The following C2CD5 variants were observed in gnomAD, a reference collection of about 807,000 sequenced individuals.
The protein encoded by C2CD5 is C2 domain-containing protein 5.
C2CD5 carries 109 observed loss-of-function variants against 130.3 expected under a neutral mutation model. That is an observed-to-expected ratio of 0.84 (90% confidence interval 0.72 to 0.98). The LOEUF (loss-of-function observed/expected upper bound fraction) is 0.98, where lower values mean the gene tolerates loss of function less well. Among genes scored for constraint, C2CD5 ranks in the 50% least tolerant of loss-of-function variants. The pLI is 0.00. For missense variants in C2CD5, 996 were observed against 1,261.8 expected, an observed-to-expected ratio of 0.79 and a Z score of 3.19; for synonymous variants, 454 against 429.2, an observed-to-expected ratio of 1.06 and a Z score of -0.71.
At chr12:22,527,090 CT>C (rs1167355074) in intron 4 of C2CD5, among the ~76,000 whole-genome samples, 1 of 152,114 alleles carries the variant, frequency 6.6e-6, no homozygotes, top group Admixed American at 6.5e-5. Flanking sequence ...CAACAAAAAA[CT>C]TTTAAGTAAC....
chr12:22,474,864 G>A lies in C2CD5; in HGVS notation c.1930C>T (p.Pro644Ser). The change falls in exon 16 of 27, where the codon CCC becomes TCC. Residue 644 changes from proline to serine, a missense_variant. Pro to Ser is a moderately conservative substitution (Grantham distance 74). Transcript: ENST00000446597. ...GAGCGTTGCCTAGGTTCTGGGATGG[G>A]TGATCCTATAATCTCTTCAGATATC... ...PEISEEIIGS[P>S]IPEPRQRSRL... 6.2e-7 allele frequency: 1 copy of A among 1,601,514 alleles called. No homozygotes were observed. Among genetic ancestry groups the A allele is most frequent in the Non-Finnish European group, 8.5e-7 (1 of 1,171,574 alleles).
At position 22,482,547 on chromosome 12, in the gene C2CD5, C is replaced by G. The variant is rs771669549; in HGVS notation, c.1737+10G>C. 3.7e-6 allele frequency: 6 copies of G among 1,609,528 alleles called. No individual in the cohort carries two copies. Among genetic ancestry groups the G allele is most frequent in the Middle Eastern group, 3.6e-4 (2 of 5,532 alleles). ...AATCATAAAACAAAACCAAAAACAT[C>G]TAAACTTACCGCTAAGCCCATCAAC... is the stretch of plus-strand genomic sequence containing the variant. On this transcript the variant is annotated intron_variant, in intron 14 of 26. Coordinates refer to ENST00000446597, the MANE Select transcript of C2CD5 (RefSeq NM_001286176.2).
intron 17 of C2CD5, 25 bp downstream of exon 17, chr12:22,472,719 T>C: frequency 7.7e-7 from 1 of 1,290,508 alleles, no homozygotes; most frequent in Non-Finnish European, 1.1e-6. Flanking sequence ...ACTAGTTTCA[T>C]CTCAAAGATA....
intron 25 of C2CD5, among the ~76,000 whole-genome samples, chr12:22,454,795 A>C (rs1290271038): frequency 6.6e-6 from 1 of 152,190 alleles, no homozygotes; most frequent in Non-Finnish European, 1.5e-5. Flanking sequence ...ACTAGACTGT[A>C]AATTCCATTA....
chr12:22,524,723 TACAAGA>T (rs1332239658), intron 5 of C2CD5, 96 bp from the exon 6 acceptor site: 3 of 732,918 alleles, frequency 4.1e-6, no homozygotes, highest in South Asian at 1.8e-5. Context: ...AGATACATAA[TACAAGA>T]ACATCTTTTA....
At chr12:22,518,252 C>G in intron 7 of C2CD5, 115 bp from the exon 8 acceptor site, 1 of 955,340 alleles carries the variant, frequency 1.0e-6, no homozygotes, top group Non-Finnish European at 1.7e-6. Flanking sequence ...TCATTTCTTA[C>G]GTGTGGAGCT....
At chr12:22,518,530 C>T (rs1199546065) in intron 7 of C2CD5, among the ~76,000 whole-genome samples, 1 of 152,162 alleles carries the variant, frequency 6.6e-6, no homozygotes, top group African/African-American at 2.4e-5. Context: ...TATTTGCACA[C>T]ACACAGATAT....
At chr12:22,503,298 C>G (rs1231903653) in intron 10 of C2CD5, among the ~76,000 whole-genome samples, 1 of 152,192 alleles carries the variant, frequency 6.6e-6, no homozygotes, top group African/African-American at 2.4e-5. Flanking sequence ...AAGTCTCCCT[C>G]AGCAGAGGAA....
chr12:22,543,679 G>A (rs1274745448), intron 2 of C2CD5, among the ~76,000 whole-genome samples: 1 of 151,960 alleles, frequency 6.6e-6, no homozygotes, highest in African/African-American at 2.4e-5. Flanking sequence ...GCCTGTTAAT[G>A]AGTCCTGACA....
chr12:22,500,020 T>G (rs1947555766), intron 10 of C2CD5, among the ~76,000 whole-genome samples: 1 of 151,974 alleles, frequency 6.6e-6, no homozygotes, highest in Non-Finnish European at 1.5e-5. Context: ...AAACCCCATC[T>G]CTACAAAAAA....
intron 12 of C2CD5, among the ~76,000 whole-genome samples, chr12:22,488,874 GCTTT>G (rs1945967773): frequency 6.8e-6 from 1 of 146,980 alleles, no homozygotes. Flanking sequence ...GAATTTTTTT[GCTTT>G]TTTTTTTTTT....
intron 10 of C2CD5, among the ~76,000 whole-genome samples, chr12:22,499,818 A>G (rs964927367): frequency 6.6e-6 from 1 of 152,252 alleles, no homozygotes; most frequent in Non-Finnish European, 1.5e-5. Flanking sequence ...AGCCAGAAAC[A>G]TAAGCAGCAT....
chr12:22,497,249 A>G (rs1466011823), intron 10 of C2CD5, among the ~76,000 whole-genome samples: 4 of 152,104 alleles, frequency 2.6e-5, no homozygotes, highest in African/African-American at 4.8e-5. Context: ...GACTATAGTT[A>G]CCAACACTGT....
At chr12:22,506,395 T>C (rs983371666) in intron 10 of C2CD5, among the ~76,000 whole-genome samples, 1 of 152,156 alleles carries the variant, frequency 6.6e-6, no homozygotes, top group Non-Finnish European at 1.5e-5. Context: ...AGAACTAACA[T>C]CTTAAACTAA....
intron 12 of C2CD5, among the ~76,000 whole-genome samples, chr12:22,488,006 G>A (rs1289601910): frequency 7.0e-6 from 1 of 143,146 alleles, no homozygotes; most frequent in Non-Finnish European, 1.5e-5. Flanking sequence ...AGAACACATG[G>A]ACACAGGAAG....
chr12:22,482,730 T>C lies in C2CD5; in HGVS notation c.1564A>G (p.Lys522Glu). Residue 522 changes from lysine to glutamate, a missense_variant, in exon 14 of 27, where the codon AAA becomes GAA. Lys to Glu is a moderately conservative substitution (Grantham distance 56). Around this residue, in one of 9 missense-constraint regions of C2CD5, gnomAD observed 590 missense variants for 631.4 expected, o/e 0.93. Coordinates refer to ENST00000446597, the MANE Select transcript of C2CD5 (RefSeq NM_001286176.2). ...TTTGCTTCTGCCTGTGCTTTCTTTT[T>C]TAAGCGACATAACCTGTAAAGGAAA... ...CLIQARLCRL[K>E]KKAQAEANAT... 3 of 1,613,168 alleles carry C rather than the reference T, an allele frequency of 1.9e-6. No homozygotes were observed. The highest frequency in any genetic ancestry group is 2.5e-6 in the Non-Finnish European group (3 of 1,179,294).
At chr12:22,522,200 C>G (rs1950331436) in intron 7 of C2CD5, among the ~76,000 whole-genome samples, 1 of 152,128 alleles carries the variant, frequency 6.6e-6, no homozygotes, top group African/African-American at 2.4e-5. Context: ...GTTTGCCAAC[C>G]CTTGACTTAG....
At chr12:22,452,250 T>C (rs1010450592) in intron 26 of C2CD5, among the ~76,000 whole-genome samples, 4 of 152,208 alleles carry the variant, frequency 2.6e-5, no homozygotes, top group African/African-American at 9.6e-5. Context: ...ATGCGTTCTT[T>C]ACGACCAGAT....
chr12:22,537,717 T>G (rs1951960160), intron 2 of C2CD5, among the ~76,000 whole-genome samples: 1 of 152,184 alleles, frequency 6.6e-6, no homozygotes, highest in Non-Finnish European at 1.5e-5. Flanking sequence ...TAAGTGAGCA[T>G]TACATGATAT....
Sources: gnomAD v4.1 joint callset for allele counts (sites outside exome capture counted in the v4.1 genomes callset) on GRCh38, gnomAD v4.1.1 for gene constraint, gnomAD v4.1.1 regional missense constraint, MANE v1.5 for transcripts, NCBI Gene and HGNC (gene_info 2026-07-23, HGNC 2026-07-21) for gene names.